CLIC4: variants seen among roughly 807,000 people sequenced by gnomAD.
CLIC4 encodes CLIC family member 4, also known as chloride intracellular channel protein 4.
CLIC4 carries 13 observed loss-of-function variants against 24.6 expected under a neutral mutation model. The observed-to-expected ratio is 0.53, with a 90% CI of 0.34 to 0.84. The LOEUF is 0.84. CLIC4 is among the 40% of genes least tolerant of loss of function. The probability of loss-of-function intolerance (pLI) is 0.01; values close to 1 mark genes in which losing one functional copy is unlikely to be tolerated. For missense variants in CLIC4, 227 were observed against 301.7 expected, an observed-to-expected ratio of 0.75 and a Z score of 1.83; for synonymous variants, 104 against 111.3, an observed-to-expected ratio of 0.93 and a Z score of 0.41.
At chr1:24,745,897 G>T (rs1172963164) in intron 1 of CLIC4, among the ~76,000 whole-genome samples, 6 of 151,052 alleles carry the variant, frequency 4.0e-5, no homozygotes, top group Non-Finnish European at 8.9e-5. Context: ...TCCCGCGCCC[G>T]GGTGGGTCGG....
At chr1:24,840,147 G>A (rs1269915896) in intron 5 of CLIC4, 106 bp downstream of exon 5, 1 of 1,074,326 alleles carries the variant, frequency 9.3e-7, no homozygotes, top group African/African-American at 1.6e-5. Flanking sequence ...ATGACTAGTT[G>A]TTTAACTCAA....
intron 2 of CLIC4, among the ~76,000 whole-genome samples, chr1:24,799,561 G>T (rs543102596): frequency 6.6e-6 from 1 of 150,836 alleles, no homozygotes. Flanking sequence ...AGTGAGGAGC[G>T]TCTCCGCCCG....
chr1:24,776,439 T>C (rs908224072), intron 1 of CLIC4, among the ~76,000 whole-genome samples: 2 of 152,212 alleles, frequency 1.3e-5, no homozygotes, highest in Non-Finnish European at 2.9e-5. Flanking sequence ...CTGGAAGTTA[T>C]AGCTGTTATG....
intron 4 of CLIC4, among the ~76,000 whole-genome samples, chr1:24,828,976 T>C (rs1477155617): frequency 6.6e-6 from 1 of 152,204 alleles, no homozygotes; most frequent in Non-Finnish European, 1.5e-5. Flanking sequence ...AAACAATATT[T>C]CAAATCACTT....
chr1:24,828,670 T>C (rs1300590968), intron 4 of CLIC4, among the ~76,000 whole-genome samples: 1 of 134,004 alleles, frequency 7.5e-6, no homozygotes, highest in Non-Finnish European at 1.6e-5. Context: ...TGCTTCCCCT[T>C]TGAGGGATGA....
intron 1 of CLIC4, among the ~76,000 whole-genome samples, chr1:24,770,782 A>G (rs1201160850): frequency 6.6e-6 from 1 of 151,028 alleles, no homozygotes; most frequent in African/African-American, 2.4e-5. Flanking sequence ...TTTGTCACAT[A>G]TTTTTACTGT....
At chr1:24,806,364 G>T (rs1367883746) in intron 2 of CLIC4, among the ~76,000 whole-genome samples, 1 of 152,188 alleles carries the variant, frequency 6.6e-6, no homozygotes, top group Admixed American at 6.5e-5. Flanking sequence ...TTACTGTTTA[G>T]AACTTGTCCA....
intron 1 of CLIC4, among the ~76,000 whole-genome samples, chr1:24,758,343 C>G (rs1638877653): frequency 6.7e-6 from 1 of 150,152 alleles, no homozygotes; most frequent in African/African-American, 2.5e-5. Flanking sequence ...TTCTCCCTGG[C>G]TGGATGCAGT....
chr1:24,772,498 T>TAG (rs1041850368), intron 1 of CLIC4, among the ~76,000 whole-genome samples: 1 of 152,202 alleles, frequency 6.6e-6, no homozygotes. Context: ...TGTATATATA[T>TAG]AGAGAGAGAC....
chr1:24,768,793 C>G (rs1056814063), intron 1 of CLIC4, among the ~76,000 whole-genome samples: 1 of 149,744 alleles, frequency 6.7e-6, no homozygotes, highest in African/African-American at 2.5e-5. Flanking sequence ...CCCAGCTACT[C>G]GGGAGGCTAA....
intron 1 of CLIC4, among the ~76,000 whole-genome samples, chr1:24,768,521 A>C (rs1639032052): frequency 6.6e-6 from 1 of 151,890 alleles, no homozygotes; most frequent in African/African-American, 2.4e-5. Flanking sequence ...ATTTTTAAGG[A>C]GTAAAAATGA....
At chr1:24,747,031 G>A (rs949690240) in intron 1 of CLIC4, among the ~76,000 whole-genome samples, 1 of 151,192 alleles carries the variant, frequency 6.6e-6, no homozygotes, top group Non-Finnish European at 1.5e-5. Context: ...ATTTACCTCT[G>A]CAGTCTTCAG....
chr1:24,775,562 CTT>C (rs1639128783), intron 1 of CLIC4, among the ~76,000 whole-genome samples: 1 of 149,232 alleles, frequency 6.7e-6, no homozygotes, highest in Admixed American at 6.7e-5. Context: ...CTTTCTTTCT[CTT>C]TCCCTCTCTT....
intron 1 of CLIC4, among the ~76,000 whole-genome samples, chr1:24,753,912 GAAAT>G (rs1638810174): frequency 6.6e-6 from 1 of 152,106 alleles, no homozygotes; most frequent in Non-Finnish European, 1.5e-5. Context: ...AGAAAAAAAT[GAAAT>G]AAATTTTCTA....
chr1:24,752,953 C>T (rs1174111663), intron 1 of CLIC4, among the ~76,000 whole-genome samples: 2 of 152,168 alleles, frequency 1.3e-5, no homozygotes, highest in African/African-American at 4.8e-5. Flanking sequence ...GATCTCCTGA[C>T]CCCATGATCT....
At chr1:24,798,709 G>A (rs1207113046) in intron 2 of CLIC4, among the ~76,000 whole-genome samples, 1 of 152,036 alleles carries the variant, frequency 6.6e-6, no homozygotes. Context: ...ATGCGGAGCC[G>A]AAGCTGGACT....
intron 1 of CLIC4, among the ~76,000 whole-genome samples, chr1:24,783,186 G>A (rs1054573560): frequency 5.9e-5 from 9 of 151,978 alleles, no homozygotes; most frequent in African/African-American, 9.7e-5. Flanking sequence ...ATGTTGTTAC[G>A]TTACAGTTAT....
intron 2 of CLIC4, among the ~76,000 whole-genome samples, chr1:24,811,906 G>A (rs1639618974): frequency 6.6e-6 from 1 of 152,168 alleles, no homozygotes; most frequent in African/African-American, 2.4e-5. Context: ...GGGTTTGGGT[G>A]AGCCATTTTG....
chr1:24,831,481 T>C (rs919173270), intron 4 of CLIC4, among the ~76,000 whole-genome samples: 2 of 152,204 alleles, frequency 1.3e-5, no homozygotes, highest in Non-Finnish European at 2.9e-5. Flanking sequence ...CAAAAACTTG[T>C]CAAAACACTC....
Sources: allele counts gnomAD v4.1 joint callset (sites outside exome capture counted in the v4.1 genomes callset), GRCh38; gene constraint gnomAD v4.1.1; transcripts MANE v1.5; gene names NCBI Gene and HGNC (gene_info 2026-07-23, HGNC 2026-07-21).